Variants in COLEC11 observed in about 807,000 individuals in gnomAD.
The protein encoded by COLEC11 is collectin subfamily member 11, also known as collectin-11.
In COLEC11, 20 loss-of-function variants were observed where a neutral mutation model predicts 27.3. The ratio of observed to expected loss-of-function variants is 0.73; its 90% confidence interval spans 0.51 to 1.06. COLEC11 has a LOEUF of 1.06. Among genes scored for constraint, COLEC11 ranks in the 50% least tolerant of loss-of-function variants. The pLI, the probability that COLEC11 is intolerant of heterozygous loss-of-function variation, is 0.00. For missense variants in COLEC11, 310 were observed against 383.0 expected (o/e 0.81, Z 1.59); for synonymous variants, 163 against 154.7 (o/e 1.05, Z -0.40).
intron 2 of COLEC11, among the ~76,000 whole-genome samples, chr2:3,608,497 C>T (rs1304668839): frequency 6.6e-6 from 1 of 151,978 alleles, no homozygotes; most frequent in Non-Finnish European, 1.5e-5. Context: ...TCTTTATGAC[C>T]CCTGGGACCA....
intron 3 of COLEC11, among the ~76,000 whole-genome samples, chr2:3,619,836 G>C (rs1664057661): frequency 6.6e-6 from 1 of 152,156 alleles, no homozygotes; most frequent in Non-Finnish European, 1.5e-5. Context: ...ATGTTGGCCA[G>C]GCTGGTCTTG....
At position 3,606,359 on chromosome 2, in the gene COLEC11, C is replaced by T; in HGVS notation, c.130+1889C>T. 5.8e-6 allele frequency: 5 copies of T among 857,718 alleles called. No homozygotes were observed. The South Asian group carries it at 8.0e-5, about 14-fold the overall frequency. 53.1% of individuals were successfully genotyped at this position (857,718 alleles called of 1,614,324 possible). A position where few individuals can be genotyped will look rare whatever the true frequency, so the allele number is the denominator to read the frequency against. On this transcript the variant is annotated intron_variant, in intron 2 of 6. Coordinates refer to ENST00000349077, the MANE Select transcript of COLEC11 (RefSeq NM_024027.5). ...CCCAGCTGTCCACGTCCTGGGTCCC[C>T]TGGATGTGCTGTCATTTCCCACATG...
chr2:3,632,696 T>G (rs1665106960), intron 3 of COLEC11, among the ~76,000 whole-genome samples: 1 of 152,204 alleles, frequency 6.6e-6, no homozygotes, highest in South Asian at 2.1e-4. Context: ...GTTGTGAAGC[T>G]GAAATCAGCG....
chr2:3,606,674 T>G (rs867052455), intron 2 of COLEC11, among the ~76,000 whole-genome samples: 14 of 152,276 alleles, frequency 9.2e-5, no homozygotes, highest in African/African-American at 2.9e-4. Context: ...AGATCAGGTG[T>G]CCGTCCAGCA....
chr2:3,604,247 CCTG>C, intron 1 of COLEC11, 65 bp from the exon 2 acceptor site: 1 of 1,578,414 alleles, frequency 6.3e-7, no homozygotes. Context: ...GCCTCCGAGG[CCTG>C]CTCACTGTCA....
intron 3 of COLEC11, among the ~76,000 whole-genome samples, chr2:3,623,411 A>C (rs936628322): frequency 1.3e-5 from 2 of 152,138 alleles, no homozygotes; most frequent in East Asian, 3.8e-4. Context: ...TCCTAATACA[A>C]CTTCCATAAT....
At chr2:3,622,872 A>G (rs1214206399) in intron 3 of COLEC11, among the ~76,000 whole-genome samples, 2 of 152,216 alleles carry the variant, frequency 1.3e-5, no homozygotes, top group African/African-American at 4.8e-5. Context: ...TAAGGCAAGT[A>G]TATAGTTTTA....
In COLEC11 at chr2:3,602,265, A is replaced by G. The variant is rs1340478968; in HGVS notation, c.-26-2050A>G. On this transcript the variant is annotated intron_variant, in intron 1 of 6. Coordinates refer to ENST00000349077, the MANE Select transcript of COLEC11 (RefSeq NM_024027.5). The surrounding 1 kb of genome is among the most constrained non-coding windows in gnomAD (Gnocchi z 6.2). The stretch of plus-strand genomic sequence containing the variant: ...AAAATGGAGGGTACCCTGACCCCCA[A>G]GCCTTGCAAACCGAACCATTGCTCC... Among the ~76,000 whole-genome samples, 1 of 152,098 alleles carries G rather than the reference A, an allele frequency of 6.6e-6. No individual in the cohort carries two copies. Among genetic ancestry groups the G allele is most frequent in the Admixed American group, 6.5e-5 (1 of 15,276 alleles).
At chr2:3,606,109 G>T in intron 2 of COLEC11, 3 of 1,550,642 alleles carry the variant, frequency 1.9e-6, no homozygotes, top group Non-Finnish European at 2.6e-6. Flanking sequence ...GTGTGGGTTT[G>T]TGAGTGGAAC....
At chr2:3,642,693 G>A (rs1250118200) in intron 5 of COLEC11, among the ~76,000 whole-genome samples, 1 of 152,168 alleles carries the variant, frequency 6.6e-6, no homozygotes, top group African/African-American at 2.4e-5. Context: ...CATCCAGCTG[G>A]GACAGCCCTT....
rs1206145024 is a variant in COLEC11 at position 3,603,477 on chromosome 2, C to A, written c.-26-838C>A. ...GATTAGAGGTGCCCGCCACCACACCCAGCTAATTTTTGTATTTTTAGAAGA... is the reference window on the plus strand; with the variant it reads ...GATTAGAGGTGCCCGCCACCACACCAAGCTAATTTTTGTATTTTTAGAAGA... On this transcript the variant is annotated intron_variant, in intron 1 of 6. Transcript: ENST00000349077. 4 of 627,696 alleles carry A rather than the reference C, an allele frequency of 6.4e-6. No homozygotes were observed. In the South Asian group the frequency reaches 7.0e-5, roughly 11 times the overall value. 38.9% of individuals were successfully genotyped at this position (627,696 alleles called of 1,614,324 possible). A position where few individuals can be genotyped will look rare whatever the true frequency, so the allele number is the denominator to read the frequency against.
rs1026269016 is a variant in COLEC11, at chr2:3,602,720, C to T, written c.-26-1595C>T. On this transcript the variant is annotated intron_variant, in intron 1 of 6. Coordinates refer to ENST00000349077, the MANE Select transcript of COLEC11 (RefSeq NM_024027.5). This position sits in a 1 kb window ranked among gnomAD's most constrained non-coding sequence, Gnocchi z 6.2. ...CCCCCAAAGCTGCTGGGCGCCGGCT[C>T]CTGTCTCCTGTCCTCTGTGCCCACC... 6.6e-6 allele frequency among the ~76,000 whole-genome samples: 1 copy of T among 152,238 alleles called. No homozygotes were observed. Among genetic ancestry groups the T allele is most frequent in the Non-Finnish European group, 1.5e-5 (1 of 68,042 alleles).
At chr2:3,603,588 A>G in intron 1 of COLEC11, 1 of 1,537,670 alleles carries the variant, frequency 6.5e-7, no homozygotes, top group Non-Finnish European at 8.8e-7. Flanking sequence ...AAGTGCTGGA[A>G]TTACAGGTGT....
chr2:3,644,499 A>T lies in COLEC11; in HGVS notation c.*381A>T, dbSNP rs950721843. 2 of 474,410 alleles carry T rather than the reference A, an allele frequency of 4.2e-6. No individual in the cohort carries two copies. The highest frequency in any genetic ancestry group is 2.3e-5 in the Admixed American group (1 of 43,006). The allele number at this position is 474,410 out of a possible 1,614,324, so 29.4% of individuals were successfully genotyped here. On this transcript the variant is annotated 3_prime_UTR_variant, in exon 7 of 7. Transcript: ENST00000349077. ...CTTGAATTACTACCTTTTAATTTCT[A>T]TATGGAAAAGAACTCACTTTGACCA...
At chr2:3,615,562 C>T (rs1230875619) in intron 3 of COLEC11, among the ~76,000 whole-genome samples, 1 of 152,270 alleles carries the variant, frequency 6.6e-6, no homozygotes, top group Non-Finnish European at 1.5e-5. Flanking sequence ...CAGCAAGAAT[C>T]TGATTTCTCT....
chr2:3,605,907 C>G, intron 2 of COLEC11: 1 of 657,614 alleles, frequency 1.5e-6, no homozygotes, highest in Non-Finnish European at 2.4e-6. Flanking sequence ...TGTGTTAGCC[C>G]TGCTGTTGGA....
At chr2:3,618,949 A>C (rs1420166277) in intron 3 of COLEC11, among the ~76,000 whole-genome samples, 1 of 152,122 alleles carries the variant, frequency 6.6e-6, no homozygotes, top group Admixed American at 6.5e-5. Context: ...TTGTTTCCTT[A>C]ATTTTTTTCA....
intron 3 of COLEC11, among the ~76,000 whole-genome samples, chr2:3,629,065 A>G (rs1664782850): frequency 6.6e-6 from 1 of 152,212 alleles, no homozygotes; most frequent in Non-Finnish European, 1.5e-5. Flanking sequence ...TTGGAGGTGC[A>G]CGAGGCCTTG....
intron 1 of COLEC11, 115 bp from the exon 2 acceptor site, chr2:3,604,200 G>A (rs1382092290): frequency 1.7e-6 from 2 of 1,151,400 alleles, no homozygotes; most frequent in Non-Finnish European, 2.5e-6. Flanking sequence ...TGGGGGCCCA[G>A]ACAGCCCTTC....
Sources: gnomAD v4.1 joint callset for allele counts (sites outside exome capture counted in the v4.1 genomes callset) on GRCh38, gnomAD v4.1.1 for gene constraint, Gnocchi (gnomAD v3.1) non-coding constraint, MANE v1.5 for transcripts, NCBI Gene and HGNC (gene_info 2026-07-23, HGNC 2026-07-21) for gene names.